The following CSTPP1 variants were observed in gnomAD, a reference collection of about 807,000 sequenced individuals.
CSTPP1 encodes the protein UPF0705 protein C11orf49.
the CSTPP1 span, among the ~76,000 whole-genome samples, chr11:47,021,385 A>T: frequency 6.6e-6 from 1 of 152,062 alleles, no homozygotes; most frequent in Non-Finnish European, 1.5e-5. Flanking sequence ...TGAATGCTGA[A>T]TTTCCCAGCT....
chr11:47,042,574 T>G, the CSTPP1 span, among the ~76,000 whole-genome samples: 6 of 152,304 alleles, frequency 3.9e-5, no homozygotes, highest in African/African-American at 9.6e-5. Flanking sequence ...TGTGCTATTA[T>G]AACTTTTTGG....
the CSTPP1 span, among the ~76,000 whole-genome samples, chr11:47,090,281 G>A: frequency 5.9e-5 from 9 of 152,108 alleles, no homozygotes; most frequent in Admixed American, 5.9e-4. Context: ...CACTGCACCT[G>A]GCATGTCTTT....
At chr11:47,098,274 C>G in the CSTPP1 span, among the ~76,000 whole-genome samples, 1 of 142,652 alleles carries the variant, frequency 7.0e-6, no homozygotes, top group African/African-American at 2.6e-5. Flanking sequence ...CCAAATCCCC[C>G]TCTGTGAGAA....
chr11:47,148,257 CCAAA>C, the CSTPP1 span, among the ~76,000 whole-genome samples: 2 of 152,168 alleles, frequency 1.3e-5, no homozygotes, highest in Admixed American at 6.5e-5. Flanking sequence ...CACTGTGAGC[CCAAA>C]CAGACATGGG....
chr11:47,161,543 C>T, the CSTPP1 span: 270 of 1,614,012 alleles, frequency 1.7e-4, no homozygotes, highest in Admixed American at 2.0e-4. Flanking sequence ...GACCCCTCCC[C>T]GGGTTGGCTC....
At chr11:46,983,591 G>A in the CSTPP1 span, among the ~76,000 whole-genome samples, 21 of 152,134 alleles carry the variant, frequency 1.4e-4, no homozygotes, top group Admixed American at 1.2e-3. Flanking sequence ...ATGCAGGTGT[G>A]CTGTTTTTTA....
At chr11:47,101,568 C>T in the CSTPP1 span, among the ~76,000 whole-genome samples, 2 of 151,664 alleles carry the variant, frequency 1.3e-5, no homozygotes, top group East Asian at 1.9e-4. Context: ...AGCCTGTCAT[C>T]GGAACCCTGC....
chr11:47,151,659 G>T, the CSTPP1 span, among the ~76,000 whole-genome samples: 2 of 151,476 alleles, frequency 1.3e-5, no homozygotes, highest in African/African-American at 4.9e-5. Flanking sequence ...AGTCATAGCC[G>T]GTGTTGCTGT....
chr11:46,969,458 A>G, the CSTPP1 span, among the ~76,000 whole-genome samples: 1 of 152,258 alleles, frequency 6.6e-6, no homozygotes, highest in Non-Finnish European at 1.5e-5. Flanking sequence ...GGCAGTATAT[A>G]AAGCTGAACC....
At chr11:46,960,997 T>A in the CSTPP1 span, among the ~76,000 whole-genome samples, 1 of 152,238 alleles carries the variant, frequency 6.6e-6, no homozygotes, top group Non-Finnish European at 1.5e-5. Context: ...TGGATTATTT[T>A]CACTACTTGG....
At chr11:47,042,271 T>G in the CSTPP1 span, among the ~76,000 whole-genome samples, 1 of 151,198 alleles carries the variant, frequency 6.6e-6, no homozygotes, top group Non-Finnish European at 1.5e-5. Context: ...AAAGATTTCA[T>G]TATTTTTAGG....
At chr11:47,023,220 G>A in the CSTPP1 span, 5 of 152,220 alleles carry the variant, frequency 3.3e-5, 1 homozygote, top group East Asian at 7.7e-4. Context: ...ATACATAGTG[G>A]ATATTTCACA....
the CSTPP1 span, among the ~76,000 whole-genome samples, chr11:46,996,429 G>T: frequency 1.3e-5 from 2 of 151,840 alleles, 1 homozygote; most frequent in South Asian, 4.2e-4. Context: ...TCAGCCTCCC[G>T]TCTAGCTGGG....
the CSTPP1 span, chr11:46,987,237 G>T: frequency 6.2e-7 from 1 of 1,613,976 alleles, no homozygotes; most frequent in African/African-American, 1.3e-5. Flanking sequence ...CTACATGGAG[G>T]ATGCAGTGTG....
chr11:46,953,918 T>C, the CSTPP1 span, among the ~76,000 whole-genome samples: 1 of 152,220 alleles, frequency 6.6e-6, no homozygotes, highest in African/African-American at 2.4e-5. Context: ...ACCTCTTCTT[T>C]GTCTGAAGTA....
the CSTPP1 span, among the ~76,000 whole-genome samples, chr11:47,106,891 C>T: frequency 3.3e-5 from 5 of 152,160 alleles, no homozygotes; most frequent in African/African-American, 1.2e-4. Flanking sequence ...GACTTTGTCT[C>T]CTTACCCACT....
chr11:46,973,242 G>A, the CSTPP1 span, among the ~76,000 whole-genome samples: 3,020 of 152,176 alleles, frequency 0.02, 93 homozygotes, highest in African/African-American at 0.069. Flanking sequence ...CCTAGCATGC[G>A]CTAACCTAGG....
At chr11:47,150,409 T>C in the CSTPP1 span, among the ~76,000 whole-genome samples, 1 of 152,174 alleles carries the variant, frequency 6.6e-6, no homozygotes, top group Non-Finnish European at 1.5e-5. Context: ...GAGTGCCTAC[T>C]ATGTGCCAGA....
At chr11:46,959,254 C>CT in the CSTPP1 span, among the ~76,000 whole-genome samples, 1 of 148,206 alleles carries the variant, frequency 6.7e-6, no homozygotes, top group African/African-American at 2.5e-5. Flanking sequence ...CTCCTGAGTT[C>CT]TTTTTTTCTA....
Sources: allele counts gnomAD v4.1 joint callset (sites outside exome capture counted in the v4.1 genomes callset), GRCh38; gene constraint gnomAD v4.1.1; transcripts MANE v1.5; gene names NCBI Gene and HGNC (gene_info 2026-07-23, HGNC 2026-07-21).